TARS3: variants seen among roughly 807,000 people sequenced by gnomAD.
The protein encoded by TARS3 is threonyl-tRNA synthetase 3, also known as threonine--tRNA ligase 2, cytoplasmic.
A neutral mutation model predicts 103.5 loss-of-function variants in TARS3; 94 were observed. That is an observed-to-expected ratio of 0.91 (90% CI 0.77 to 1.08). The LOEUF (loss-of-function observed/expected upper bound fraction) is 1.08. TARS3 is among the 50% of genes least tolerant of loss of function. The probability of loss-of-function intolerance (pLI) is 0.00; values close to 1 mark genes in which losing one functional copy is unlikely to be tolerated. For synonymous variants in TARS3, 416 were observed against 355.4 expected, an observed-to-expected ratio of 1.17 and a Z score of -1.92; for missense variants, 952 against 995.2, an observed-to-expected ratio of 0.96 and a Z score of 0.58.
In TARS3 at chr15:101,675,372, T is replaced by C. The variant is rs767558797; in HGVS notation, c.1788+228A>G. On this transcript the variant is annotated intron_variant, in intron 13 of 18. Transcript: ENST00000335968. ...ATTAGTGACCAGCACTGCAGGACTA[T>C]AAATAAAAGCCAGATATGAACTTTA... Among the ~76,000 whole-genome samples, 22 of 152,254 alleles carry C rather than the reference T, an allele frequency of 1.4e-4. 1 individual carries two copies. The highest frequency in any genetic ancestry group is 8.5e-4 in the Admixed American group (13 of 15,282).
At chr15:101,684,286 AAAT>A (rs758303808) in intron 11 of TARS3, 49 bp from the exon 12 acceptor site, 1 of 1,478,640 alleles carries the variant, frequency 6.8e-7, no homozygotes. Context: ...CAGAAATATT[AAAT>A]AATTATCTAA....
chr15:101,658,155 T>C (rs983225284), intron 16 of TARS3, among the ~76,000 whole-genome samples: 2 of 152,024 alleles, frequency 1.3e-5, no homozygotes, highest in African/African-American at 4.8e-5. Flanking sequence ...CCCAGAGAAA[T>C]GAAAGCGCAG....
chr15:101,700,965 A>C (rs1899242360), intron 10 of TARS3, 121 bp downstream of exon 10: 1 of 655,058 alleles, frequency 1.5e-6, no homozygotes, highest in South Asian at 2.6e-5. Flanking sequence ...TAACCTCAAA[A>C]TTCTTATTAA....
chr15:101,701,150 G>A lies in TARS3; in HGVS notation c.1256C>T (p.Pro419Leu), dbSNP rs749571367. 6.3e-7 allele frequency: 1 copy of A among 1,597,606 alleles called. No homozygotes were observed. The highest frequency in any genetic ancestry group is 8.5e-7 in the Non-Finnish European group (1 of 1,175,358). The change falls in exon 10 of 19, where the codon CCT (proline) becomes CTT (leucine). Residue 419 changes from proline to leucine, a missense_variant. This residue lies in a region of TARS3 where 540 missense variants were observed against 631.0 expected (regional missense o/e 0.86). Coordinates refer to ENST00000335968, the MANE Select transcript of TARS3 (RefSeq NM_152334.3). ...TCTGGGAAGGAAAAAACAGCTTCCA[G>A]GACTCAAATCGTGGAAAAAGAAAAG... ...QELFFFHDLS[P>L]GSCFFLPRGA... is the part of the protein sequence containing the mutation.
chr15:101,708,962 C>T, intron 5 of TARS3, 52 bp from the exon 6 acceptor site: 1 of 1,193,514 alleles, frequency 8.4e-7, no homozygotes, highest in Non-Finnish European at 1.2e-6. Context: ...TTATGCATTC[C>T]CTCTTTCCTT....
intron 10 of TARS3, among the ~76,000 whole-genome samples, chr15:101,690,205 A>C (rs948611003): frequency 6.6e-6 from 1 of 152,238 alleles, no homozygotes; most frequent in African/African-American, 2.4e-5. Context: ...GTCTCGCCTC[A>C]TCTTGGCCCA....
intron 15 of TARS3, among the ~76,000 whole-genome samples, chr15:101,671,180 C>A (rs1484183090): frequency 6.6e-6 from 1 of 152,190 alleles, no homozygotes; most frequent in Non-Finnish European, 1.5e-5. Flanking sequence ...CCTTAAGACA[C>A]AGACCCAATG....
At chr15:101,694,816 C>T (rs775376941) in intron 10 of TARS3, among the ~76,000 whole-genome samples, 1 of 152,156 alleles carries the variant, frequency 6.6e-6, no homozygotes, top group Admixed American at 6.5e-5. Flanking sequence ...AGCCTATGAA[C>T]CCATTTATAT....
chr15:101,711,802 T>C, intron 5 of TARS3, 78 bp downstream of exon 5: 2 of 1,531,976 alleles, frequency 1.3e-6, no homozygotes, highest in Admixed American at 1.8e-5. Context: ...AGTATACAGT[T>C]ACTAGGCTAG....
At chr15:101,699,737 C>G (rs1482047046) in intron 10 of TARS3, among the ~76,000 whole-genome samples, 1 of 152,130 alleles carries the variant, frequency 6.6e-6, no homozygotes, top group Non-Finnish European at 1.5e-5. Context: ...GACATGTCAG[C>G]CTCCAGGGGC....
intron 15 of TARS3, among the ~76,000 whole-genome samples, chr15:101,662,620 G>C (rs1897426627): frequency 6.6e-6 from 1 of 152,176 alleles, no homozygotes; most frequent in Non-Finnish European, 1.5e-5. Flanking sequence ...AAAACTCTCT[G>C]TCTGGACCCT....
At chr15:101,720,301 G>A in intron 3 of TARS3, among the ~76,000 whole-genome samples, 1 of 152,158 alleles carries the variant, frequency 6.6e-6, no homozygotes, top group Non-Finnish European at 1.5e-5. Context: ...TTATACAATA[G>A]CTTCTATACA....
intron 10 of TARS3, among the ~76,000 whole-genome samples, chr15:101,696,210 CAAAAAAAAAAAAAAAAAA>C (rs57512244): frequency 1.2e-5 from 1 of 81,768 alleles, no homozygotes; most frequent in Non-Finnish European, 2.5e-5. Flanking sequence ...GACTTTGTCT[CAAAAAAAAAAAAAAAAAA>C]AAAAAAAAAA....
chr15:101,656,992 G>A lies in TARS3; in HGVS notation c.2190C>T (p.Asp730=), dbSNP rs1486885474. 1 of 1,613,922 alleles carries A rather than the reference G, an allele frequency of 6.2e-7. No individual in the cohort carries two copies. Residue 730 remains aspartate (D), a synonymous_variant, in exon 18 of 19, where the codon GAC becomes GAT. Transcript: ENST00000335968. ...TATTTAGTGTACAACTGTGATCCAA[G>A]TCAACGTCAGCCATAAATCCTTCTT... ...FFEEGFMADV[D]LDHSCTLNKK...
At chr15:101,661,497 AT>A (rs1490558486) in intron 16 of TARS3, among the ~76,000 whole-genome samples, 1 of 151,510 alleles carries the variant, frequency 6.6e-6, no homozygotes. Flanking sequence ...CTTAGTTTTT[AT>A]TTTCTGATCT....
intron 10 of TARS3, among the ~76,000 whole-genome samples, chr15:101,691,653 T>C (rs1898730416): frequency 6.6e-6 from 1 of 152,210 alleles, no homozygotes; most frequent in African/African-American, 2.4e-5. Flanking sequence ...ACACAAATAG[T>C]AAAAGAGTTA....
chr15:101,696,800 T>C (rs1004445282), intron 10 of TARS3, among the ~76,000 whole-genome samples: 2 of 152,196 alleles, frequency 1.3e-5, no homozygotes, highest in Non-Finnish European at 2.9e-5. Context: ...CAAGCCCTTT[T>C]GAAAGACTTG....
chr15:101,671,108 G>A (rs572872567), intron 15 of TARS3, among the ~76,000 whole-genome samples: 1 of 152,204 alleles, frequency 6.6e-6, no homozygotes, highest in East Asian at 1.9e-4. Flanking sequence ...TTTTAAAGAA[G>A]TTGTTGGTTT....
intron 9 of TARS3, among the ~76,000 whole-genome samples, 179 bp from the exon 10 acceptor site, chr15:101,701,363 C>T (rs539288045): frequency 4.6e-5 from 7 of 152,184 alleles, no homozygotes; most frequent in African/African-American, 1.4e-4. Flanking sequence ...ATATTTATGC[C>T]TAATTAGCTT....
Sources: allele counts gnomAD v4.1 joint callset (sites outside exome capture counted in the v4.1 genomes callset), GRCh38; gene constraint gnomAD v4.1.1; regional missense constraint gnomAD v4.1.1; transcripts MANE v1.5; gene names NCBI Gene and HGNC (gene_info 2026-07-23, HGNC 2026-07-21).